The following NCBP3 variants were observed in gnomAD, a reference collection of about 807,000 sequenced individuals.
The protein encoded by NCBP3 is nuclear cap binding subunit 3.
NCBP3 carries 20 observed loss-of-function variants against 75.7 expected under a neutral mutation model. The ratio of observed to expected loss-of-function variants is 0.26; its 90% confidence interval spans 0.19 to 0.38. NCBP3 has a LOEUF of 0.38. Ranked by LOEUF, NCBP3 falls within the 10% of genes least tolerant of loss-of-function variation. NCBP3 has a pLI of 1.00. For synonymous variants in NCBP3, 293 were observed against 290.5 expected (o/e 1.01, Z -0.09); for missense variants, 678 against 796.9 (o/e 0.85, Z 1.80).
chr17:3,833,420 CTCTT>C (rs1392112676), intron 3 of NCBP3, among the ~76,000 whole-genome samples: 3 of 152,282 alleles, frequency 2.0e-5, no homozygotes, highest in Non-Finnish European at 2.9e-5. Flanking sequence ...CTGCATCTCT[CTCTT>C]TTTTTGTTCT....
At position 3,813,177 on chromosome 17, in the gene NCBP3, A is replaced by C. The variant is rs1462691010; in HGVS notation, c.1730T>G (p.Leu577Arg). Residue 577 changes from leucine (L) to arginine (R), a missense_variant, in exon 13 of 13, where the codon CTG (leucine) becomes CGG (arginine). Around this residue, in one of 7 missense-constraint regions of NCBP3, gnomAD observed 365 missense variants for 392.7 expected, o/e 0.93. Transcript: ENST00000389005. The stretch of plus-strand genomic sequence containing the variant: ...AATCAGAGCCCCCCATGCCCTTTGC[A>C]GCTCAGAGTCGTCTTCCTCAGCGCC... ...APGAEEDDSE[L>R]QRAWGALIKE... 1.9e-6 allele frequency: 3 copies of C among 1,614,240 alleles called. No individual in the cohort carries two copies. The highest frequency in any genetic ancestry group is 2.5e-6 in the Non-Finnish European group (3 of 1,180,050).
Position 3,818,333 on chromosome 17 carries a change from G to T in NCBP3, c.1240C>A (p.Pro414Thr). Residue 414 changes from proline to threonine, a missense_variant, in exon 10 of 13, where the codon CCT becomes ACT. Transcript: ENST00000389005. The surrounding 1 kb of genome is among the most constrained non-coding windows in gnomAD (Gnocchi z 4.7). ...ATTTTCATGCTTTTCTTTGGTGAAG[G>T]CGTGGAAATCATTTTCAGTTCTAGA... ...YDLELKMIST[P>T]SPKKSMKMTM... 6.2e-7 allele frequency: 1 copy of T among 1,614,010 alleles called. No individual in the cohort carries two copies. The highest frequency in any genetic ancestry group is 1.3e-5 in the African/African-American group (1 of 75,028).
intron 3 of NCBP3, 24 bp downstream of exon 3, chr17:3,840,076 A>C (rs1310665230): frequency 6.5e-7 from 1 of 1,535,888 alleles, no homozygotes; most frequent in Admixed American, 2.0e-5. Context: ...AATGTGGACA[A>C]ATTTCCCACA....
intron 3 of NCBP3, among the ~76,000 whole-genome samples, chr17:3,833,211 C>G (rs1273084811): frequency 6.6e-6 from 1 of 152,140 alleles, no homozygotes; most frequent in Non-Finnish European, 1.5e-5. Context: ...CATGATCACA[C>G]AACTGCACTC....
intron 6 of NCBP3, among the ~76,000 whole-genome samples, chr17:3,825,492 T>C (rs1363900834): frequency 1.3e-5 from 2 of 152,258 alleles, no homozygotes; most frequent in Non-Finnish European, 2.9e-5. Flanking sequence ...ATGCCATTAC[T>C]TGCTGTTTCT....
intron 7 of NCBP3, chr17:3,823,990 T>A (rs1411687792): frequency 6.6e-6 from 1 of 152,106 alleles, no homozygotes; most frequent in Non-Finnish European, 1.5e-5. Flanking sequence ...TAAACCTATA[T>A]TCTTGGAAAA....
Position 3,843,163 on chromosome 17 carries a change from G to C in NCBP3, c.184-12C>G, listed in dbSNP as rs943634880. The C allele has an allele frequency of 6.4e-7, 1 of 1,550,710 alleles. No homozygotes were observed. The highest frequency in any genetic ancestry group is 1.4e-5 in the African/African-American group (1 of 72,988). ...CTTCTGCTCGTGTCCTAACACAAAGGGGAAGGGTGAGAAATTCAGACAGCA... is the reference window on the plus strand; with the variant it reads ...CTTCTGCTCGTGTCCTAACACAAAGCGGAAGGGTGAGAAATTCAGACAGCA... On this transcript the variant is annotated splice_polypyrimidine_tract_variant and intron_variant, in intron 1 of 12. Transcript: ENST00000389005.
At chr17:3,821,423 CTCT>C in intron 8 of NCBP3, 71 bp from the exon 9 acceptor site, 1 of 1,261,850 alleles carries the variant, frequency 7.9e-7, no homozygotes, top group Non-Finnish European at 1.1e-6. Flanking sequence ...CTATTTCTTT[CTCT>C]TTTCTTTTTT....
intron 4 of NCBP3, 63 bp downstream of exon 4, chr17:3,829,180 T>C (rs2053836057): frequency 1.3e-6 from 2 of 1,530,680 alleles, no homozygotes; most frequent in South Asian, 1.2e-5. Flanking sequence ...CCATCTCTGA[T>C]GGCAAGAACT....
Position 3,812,157 on chromosome 17 carries a change from T to C in NCBP3, c.*887A>G, listed in dbSNP as rs1490417302. The C allele has an allele frequency of 1.3e-5, 2 of 152,180 alleles. No individual in the cohort carries two copies. The highest frequency in any genetic ancestry group is 2.4e-5 in the African/African-American group (1 of 41,436). The allele number at this position is 152,180 out of a possible 1,614,324, so 9.4% of individuals were successfully genotyped here. A position where few individuals can be genotyped will look rare whatever the true frequency, so the allele number is the denominator to read the frequency against. ...CCTCTCTCTGCCTTCTTCCAAAGAA[T>C]AGAATATATATTTAACAGCACAAAA... is the stretch of plus-strand genomic sequence containing the variant. On this transcript the variant is annotated 3_prime_UTR_variant, in exon 13 of 13. Coordinates refer to ENST00000389005, the MANE Select transcript of NCBP3 (RefSeq NM_001114118.3).
Position 3,840,092 on chromosome 17 carries a change from C to T in NCBP3, c.355+8G>A, listed in dbSNP as rs926496973. 15 of 1,549,210 alleles carry T rather than the reference C, an allele frequency of 9.7e-6. No individual in the cohort carries two copies. In the Admixed American group the frequency reaches 2.4e-4, roughly 24 times the overall value. ...ATGTGGACAAATTTCCCACAAAACA[C>T]CCTGTACCTTTCTTCATCATGTCTC... On this transcript the variant is annotated splice_region_variant and intron_variant, in intron 3 of 12. Transcript: ENST00000389005.
intron 2 of NCBP3, among the ~76,000 whole-genome samples, chr17:3,842,881 A>G (rs932135409): frequency 7.9e-5 from 12 of 151,758 alleles, no homozygotes; most frequent in African/African-American, 2.7e-4. Context: ...CTGGGCTTAA[A>G]CGATCCACTT....
At chr17:3,819,463 G>C (rs1022110111) in intron 9 of NCBP3, among the ~76,000 whole-genome samples, 5 of 152,066 alleles carry the variant, frequency 3.3e-5, no homozygotes, top group Non-Finnish European at 7.3e-5. Context: ...GGGAGGCTGA[G>C]GTAGGAGAAT....
In NCBP3 at chr17:3,824,983, A is replaced by G; in HGVS notation, c.755T>C (p.Leu252Pro). ...CATGAATAACCTATTTCCTTTAGCA[A>G]GTTTGTTAGCTGGACGAAGATCGTT... Reference protein sequence around the residue: ...LRNDLRPANKLAKGNRLFMRF... With the variant: ...LRNDLRPANKPAKGNRLFMRF... Residue 252 changes from leucine (L) to proline (P), a missense_variant, in exon 7 of 13, where the codon CTT becomes CCT. By Grantham distance (98) the Leu-to-Pro change is moderately conservative. Around this residue, in one of 7 missense-constraint regions of NCBP3, gnomAD observed 98 missense variants for 101.8 expected, o/e 0.96. Coordinates refer to ENST00000389005, the MANE Select transcript of NCBP3 (RefSeq NM_001114118.3). 6.5e-7 allele frequency: 1 copy of G among 1,545,868 alleles called. No individual in the cohort carries two copies. The highest frequency in any genetic ancestry group is 1.4e-5 in the African/African-American group (1 of 73,030).
intron 8 of NCBP3, 95 bp downstream of exon 8, chr17:3,821,858 C>A (rs1302895928): frequency 2.7e-6 from 2 of 748,782 alleles, no homozygotes; most frequent in South Asian, 1.7e-5. Flanking sequence ...GTTTTCCTTC[C>A]AGTTTACACA....
intron 4 of NCBP3, among the ~76,000 whole-genome samples, chr17:3,826,959 G>A (rs546265552): frequency 5.4e-4 from 81 of 151,160 alleles, no homozygotes; most frequent in African/African-American, 1.4e-3. Context: ...GCAGTGAGCC[G>A]AGATGATGCC....
chr17:3,825,252 A>C (rs1437429897), intron 6 of NCBP3, among the ~76,000 whole-genome samples: 1 of 151,628 alleles, frequency 6.6e-6, no homozygotes, highest in Non-Finnish European at 1.5e-5. Context: ...TCTATCCCCT[A>C]CTCTTTTCAC....
rs563705665 is a variant in NCBP3, at chr17:3,828,947, AGGT to A, written c.481+293_481+295del. Among the ~76,000 whole-genome samples the A allele has an allele frequency of 2.5e-3, 388 of 152,230 alleles. 2 individuals carry two copies. Among genetic ancestry groups the A allele is most frequent in the African/African-American group, 8.3e-3 (345 of 41,526 alleles). On this transcript the variant is annotated intron_variant, in intron 4 of 12. Coordinates refer to ENST00000389005, the MANE Select transcript of NCBP3 (RefSeq NM_001114118.3). ...TTGGATCCTCTCCTTTGTTGGGAAA[AGGT>A]GAGTGTTAAAGAGGCCTCAATCAAC...
At chr17:3,844,785 G>A (rs2054131309) in intron 1 of NCBP3, among the ~76,000 whole-genome samples, 1 of 152,114 alleles carries the variant, frequency 6.6e-6, no homozygotes, top group Non-Finnish European at 1.5e-5. Context: ...AGGAGGCGGA[G>A]GTTGCGGTGA....
Sources: allele counts gnomAD v4.1 joint callset (sites outside exome capture counted in the v4.1 genomes callset), GRCh38; gene constraint gnomAD v4.1.1; regional missense constraint gnomAD v4.1.1; non-coding constraint Gnocchi (gnomAD v3.1); transcripts MANE v1.5; gene names NCBI Gene and HGNC (gene_info 2026-07-23, HGNC 2026-07-21).